Variants in CSMD1 observed in about 807,000 individuals in gnomAD.
The protein encoded by CSMD1 is CUB and sushi domain-containing protein 1.
In CSMD1, 213 loss-of-function variants were observed where a neutral mutation model predicts 417.5. That is an observed-to-expected ratio of 0.51 (90% CI 0.46 to 0.57). The LOEUF (loss-of-function observed/expected upper bound fraction) is 0.57. Ranked by LOEUF, CSMD1 falls within the 20% of genes least tolerant of loss-of-function variation. The pLI, the probability that CSMD1 is intolerant of heterozygous loss-of-function variation, is 0.00. For synonymous variants in CSMD1, 2,862 were observed against 1,736.8 expected (o/e 1.65, Z -16.11); for missense variants, 6,923 against 4,529.7 (o/e 1.53, Z -15.17).
At chr8:3,568,691 G>C (rs1012482588) in intron 10 of CSMD1, among the ~76,000 whole-genome samples, 1 of 151,992 alleles carries the variant, frequency 6.6e-6, no homozygotes, top group South Asian at 2.1e-4. Context: ...TACTGTATAT[G>C]TGTATATATA....
chr8:4,229,889 C>G (rs1700052), intron 3 of CSMD1, among the ~76,000 whole-genome samples: 16,014 of 152,146 alleles, frequency 0.11, 1,011 homozygotes, highest in African/African-American at 0.18. Flanking sequence ...ATCTGTGTAT[C>G]GCTTTGAGTG....
At chr8:4,564,990 C>T (rs1266060171) in intron 2 of CSMD1, among the ~76,000 whole-genome samples, 2 of 152,016 alleles carry the variant, frequency 1.3e-5, no homozygotes, top group Non-Finnish European at 2.9e-5. Flanking sequence ...CATGGGGAAC[C>T]CTTGGAGTTA....
intron 2 of CSMD1, among the ~76,000 whole-genome samples, chr8:4,455,352 C>T (rs1429508379): frequency 6.6e-6 from 1 of 152,128 alleles, no homozygotes; most frequent in African/African-American, 2.4e-5. Flanking sequence ...AACTAAGTGA[C>T]ACCCAGAAGC....
intron 52 of CSMD1, among the ~76,000 whole-genome samples, chr8:3,001,889 C>A (rs370446397): frequency 2.6e-5 from 4 of 152,132 alleles, no homozygotes; most frequent in Non-Finnish European, 5.9e-5. Flanking sequence ...TTAAGTATAT[C>A]CTTCTAGGGA....
chr8:3,619,108 T>G (rs376239357), intron 7 of CSMD1, among the ~76,000 whole-genome samples: 4 of 149,014 alleles, frequency 2.7e-5, no homozygotes, highest in African/African-American at 7.8e-5. Context: ...AGGAATACAA[T>G]AGAACACATA....
At chr8:4,193,678 G>A (rs1241466060) in intron 3 of CSMD1, among the ~76,000 whole-genome samples, 1 of 152,140 alleles carries the variant, frequency 6.6e-6, no homozygotes, top group Non-Finnish European at 1.5e-5. Flanking sequence ...GCAAACCACA[G>A]CTCAACAAAG....
At chr8:4,343,899 C>T (rs1430935416) in intron 3 of CSMD1, among the ~76,000 whole-genome samples, 1 of 152,064 alleles carries the variant, frequency 6.6e-6, no homozygotes, top group Non-Finnish European at 1.5e-5. Flanking sequence ...ATTTTTAAGG[C>T]TTATTTACTT....
intron 54 of CSMD1, among the ~76,000 whole-genome samples, chr8:2,987,135 T>C (rs1023033900): frequency 6.6e-6 from 1 of 152,076 alleles, no homozygotes. Flanking sequence ...CATATTTTAC[T>C]GATAAAATAA....
intron 1 of CSMD1, among the ~76,000 whole-genome samples, chr8:4,741,704 C>G (rs1428576483): frequency 6.6e-6 from 1 of 152,116 alleles, no homozygotes; most frequent in African/African-American, 2.4e-5. Context: ...CTTCACTACT[C>G]CAGGTTCCCA....
At chr8:4,467,280 C>T (rs1479849193) in intron 2 of CSMD1, among the ~76,000 whole-genome samples, 1 of 152,118 alleles carries the variant, frequency 6.6e-6, no homozygotes, top group East Asian at 1.9e-4. Flanking sequence ...TTCAATTAAA[C>T]CAATTCATGG....
chr8:4,458,086 C>T (rs1256876864), intron 2 of CSMD1, among the ~76,000 whole-genome samples: 2 of 152,052 alleles, frequency 1.3e-5, no homozygotes, highest in East Asian at 1.9e-4. Flanking sequence ...TTTTTAACTC[C>T]TTATATACTT....
chr8:3,690,335 G>A (rs765864221), intron 7 of CSMD1, among the ~76,000 whole-genome samples: 2 of 152,248 alleles, frequency 1.3e-5, no homozygotes, highest in Non-Finnish European at 2.9e-5. Flanking sequence ...CAGCCTGGGT[G>A]ACAGAACGAG....
At chr8:4,813,692 C>A (rs1326664582) in intron 1 of CSMD1, among the ~76,000 whole-genome samples, 1 of 152,172 alleles carries the variant, frequency 6.6e-6, no homozygotes, top group African/African-American at 2.4e-5. Context: ...TTAAGAGATT[C>A]AAGAATCCTC....
chr8:4,644,312 C>T (rs962727828), intron 1 of CSMD1, among the ~76,000 whole-genome samples: 2 of 152,174 alleles, frequency 1.3e-5, no homozygotes, highest in Non-Finnish European at 2.9e-5. Context: ...CAGATTTTTT[C>T]ATTGAGGCCT....
intron 2 of CSMD1, among the ~76,000 whole-genome samples, chr8:4,586,581 G>T (rs954186622): frequency 6.6e-6 from 1 of 151,864 alleles, no homozygotes; most frequent in Admixed American, 6.6e-5. Context: ...TTTTTTTGAT[G>T]CTTTATTTTC....
chr8:3,749,529 A>G (rs1797222236), intron 6 of CSMD1, among the ~76,000 whole-genome samples: 1 of 152,188 alleles, frequency 6.6e-6, no homozygotes, highest in Admixed American at 6.6e-5. Context: ...TTAAAAATGT[A>G]AGGGAAGAGT....
At chr8:4,573,703 C>G (rs1193521408) in intron 2 of CSMD1, among the ~76,000 whole-genome samples, 1 of 152,130 alleles carries the variant, frequency 6.6e-6, no homozygotes, top group Non-Finnish European at 1.5e-5. Context: ...AGAGTTAGGT[C>G]TGCTGAAGCT....
intron 2 of CSMD1, among the ~76,000 whole-genome samples, chr8:4,536,836 G>A (rs186512992): frequency 7.2e-5 from 11 of 152,270 alleles, no homozygotes; most frequent in Admixed American, 2.0e-4. Context: ...CCTTTCACAA[G>A]GGGTGTCACC....
chr8:3,672,294 T>C (rs1001794382), intron 7 of CSMD1, among the ~76,000 whole-genome samples: 4 of 152,088 alleles, frequency 2.6e-5, no homozygotes, highest in African/African-American at 4.8e-5. Context: ...AATTAAGAAA[T>C]AGTCTGAGAA....
Sources: allele counts gnomAD v4.1 joint callset (sites outside exome capture counted in the v4.1 genomes callset), GRCh38; gene constraint gnomAD v4.1.1; transcripts MANE v1.5; gene names NCBI Gene and HGNC (gene_info 2026-07-23, HGNC 2026-07-21).